Variants in NPAS3 observed in about 807,000 individuals in gnomAD.
NPAS3 encodes neuronal PAS domain-containing protein 3.
Under a neutral mutation model 73.1 loss-of-function variants are expected in NPAS3, and 14 were observed. That is an observed-to-expected ratio of 0.19 (90% confidence interval 0.13 to 0.30). NPAS3 has a LOEUF of 0.30. Ranked by LOEUF, NPAS3 falls within the 10% of genes least tolerant of loss-of-function variation. NPAS3 has a pLI of 1.00. For missense variants in NPAS3, 1,096 were observed against 1,250.0 expected (o/e 0.88, Z 1.86); for synonymous variants, 620 against 541.5 (o/e 1.14, Z -2.01).
At chr14:33,138,697 G>C (rs959182653) in intron 2 of NPAS3, among the ~76,000 whole-genome samples, 3 of 152,158 alleles carry the variant, frequency 2.0e-5, no homozygotes, top group Admixed American at 6.5e-5. Flanking sequence ...GAATGAGACA[G>C]GGTTCCAGTG....
intron 2 of NPAS3, among the ~76,000 whole-genome samples, chr14:33,120,770 GT>G (rs763821657): frequency 1.3e-5 from 2 of 152,060 alleles, no homozygotes; most frequent in East Asian, 1.9e-4. Flanking sequence ...AGAAGCATTG[GT>G]TTTTTTAAGG....
At chr14:33,666,529 C>T (rs1016449747) in intron 5 of NPAS3, among the ~76,000 whole-genome samples, 1 of 152,214 alleles carries the variant, frequency 6.6e-6, no homozygotes, top group Non-Finnish European at 1.5e-5. Flanking sequence ...GAGCCAGAAT[C>T]TCTGGGAGCC....
intron 9 of NPAS3, among the ~76,000 whole-genome samples, chr14:33,782,074 C>T (rs2062994588): frequency 6.6e-6 from 1 of 152,104 alleles, no homozygotes; most frequent in Non-Finnish European, 1.5e-5. Context: ...ACTCTAAAGC[C>T]TAGGGAGTTC....
At chr14:32,975,860 CGTGTGT>C (rs71118522) in intron 1 of NPAS3, among the ~76,000 whole-genome samples, 3,631 of 145,718 alleles carry the variant, frequency 0.025, 56 homozygotes, top group Non-Finnish European at 0.039. Context: ...TGGTGAGGGG[CGTGTGT>C]GTGTGTGTGT....
At chr14:33,563,490 C>G (rs775043303) in intron 5 of NPAS3, among the ~76,000 whole-genome samples, 1 of 123,444 alleles carries the variant, frequency 8.1e-6, no homozygotes, top group Non-Finnish European at 1.7e-5. Context: ...CTCAACAGTC[C>G]TCTTGACTTT....
Position 33,294,305 on chromosome 14 carries a change from G to A in NPAS3, c.386-72881G>A, listed in dbSNP as rs185096129. 9.3e-4 allele frequency among the ~76,000 whole-genome samples: 142 copies of A among 152,232 alleles called. 1 individual carries two copies. The highest frequency in any genetic ancestry group is 2.4e-4 in the Non-Finnish European group (16 of 68,012). Reference sequence around the variant, plus strand: ...ATGTTCTTTTTCTCCACTGCCTACAGACATATTTACCTTTTTCTGGAATGC... The same window carrying A: ...ATGTTCTTTTTCTCCACTGCCTACAAACATATTTACCTTTTTCTGGAATGC... On this transcript the variant is annotated intron_variant, in intron 3 of 11. Coordinates refer to ENST00000356141, the Ensembl canonical transcript of NPAS3.
At chr14:33,198,266 C>T (rs1225712164) in intron 2 of NPAS3, among the ~76,000 whole-genome samples, 3 of 150,972 alleles carry the variant, frequency 2.0e-5, no homozygotes, top group Admixed American at 6.7e-5. Context: ...CAGTTTGCCC[C>T]TGCTGGCTCA....
At chr14:33,217,255 G>A (rs148008048) in intron 3 of NPAS3, among the ~76,000 whole-genome samples, 4 of 152,170 alleles carry the variant, frequency 2.6e-5, no homozygotes, top group Admixed American at 6.6e-5. Context: ...TTCCTGACAC[G>A]TGGGATTATT....
chr14:33,615,406 C>G (rs1459101360), intron 5 of NPAS3, among the ~76,000 whole-genome samples: 1 of 151,986 alleles, frequency 6.6e-6, no homozygotes, highest in Non-Finnish European at 1.5e-5. Flanking sequence ...AAGGGCAGAA[C>G]CGGAGCAAGG....
chr14:33,331,876 C>G (rs2044000718), intron 3 of NPAS3, among the ~76,000 whole-genome samples: 1 of 152,152 alleles, frequency 6.6e-6, no homozygotes, highest in African/African-American at 2.4e-5. Context: ...CTTGTCTGTC[C>G]ATATGTGTGC....
intron 5 of NPAS3, among the ~76,000 whole-genome samples, chr14:33,566,379 C>T (rs932842278): frequency 2.0e-5 from 3 of 152,104 alleles, no homozygotes; most frequent in Non-Finnish European, 4.4e-5. Context: ...AGGTTCCTCC[C>T]GGCAGGATCC....
intron 9 of NPAS3, among the ~76,000 whole-genome samples, chr14:33,783,679 A>G (rs2063053136): frequency 6.6e-6 from 1 of 152,046 alleles, no homozygotes; most frequent in African/African-American, 2.4e-5. Flanking sequence ...GGAGTCAGAG[A>G]CCAGCAAGAG....
At chr14:33,170,894 G>C (rs1447095117) in intron 2 of NPAS3, among the ~76,000 whole-genome samples, 1 of 152,172 alleles carries the variant, frequency 6.6e-6, no homozygotes, top group Non-Finnish European at 1.5e-5. Context: ...TTCTGTTAAT[G>C]TTGATATTTT....
intron 4 of NPAS3, among the ~76,000 whole-genome samples, chr14:33,409,215 G>C (rs2047805233): frequency 6.6e-6 from 1 of 152,140 alleles, no homozygotes; most frequent in South Asian, 2.1e-4. Flanking sequence ...CAGCCCCACT[G>C]GGGGGTTCTG....
upstream of NPAS3, chr14:32,935,115 C>T (rs995501325): frequency 6.2e-5 from 29 of 464,088 alleles, no homozygotes; most frequent in Non-Finnish European, 8.4e-5. Context: ...TGCCAGGGCT[C>T]ACTTTGCCTG....
chr14:33,472,494 CAAAA>C (rs2050829623), intron 4 of NPAS3, among the ~76,000 whole-genome samples: 1 of 151,974 alleles, frequency 6.6e-6, no homozygotes, highest in African/African-American at 2.4e-5. Flanking sequence ...AAAAAACAAA[CAAAA>C]AGAATCACCT....
chr14:33,007,656 C>T lies in NPAS3; in HGVS notation c.51-48249C>T, dbSNP rs1176694829. On this transcript the variant is annotated intron_variant, in intron 1 of 11. Transcript: ENST00000356141. Reference sequence around the variant, plus strand: ...ACACTTAAAATATAAAGATACTGACCCTTTAACTTATACTTTGTATAAACA... The same window carrying T: ...ACACTTAAAATATAAAGATACTGACTCTTTAACTTATACTTTGTATAAACA... 4.6e-5 allele frequency among the ~76,000 whole-genome samples: 7 copies of T among 152,042 alleles called. No individual in the cohort carries two copies. The East Asian group carries it at 1.3e-3, about 29-fold the overall frequency.
intron 4 of NPAS3, among the ~76,000 whole-genome samples, chr14:33,424,290 A>C (rs1219825275): frequency 6.6e-6 from 1 of 152,028 alleles, no homozygotes; most frequent in Admixed American, 6.6e-5. Flanking sequence ...AAGAAGGCTA[A>C]AGTGGCTAAA....
chr14:33,603,317 C>G (rs1458330302), intron 5 of NPAS3, among the ~76,000 whole-genome samples: 1 of 152,136 alleles, frequency 6.6e-6, no homozygotes, highest in East Asian at 1.9e-4. Context: ...GAAAAGTGAA[C>G]TTAAAAAATG....
Sources: allele counts gnomAD v4.1 joint callset (sites outside exome capture counted in the v4.1 genomes callset), GRCh38; gene constraint gnomAD v4.1.1; transcripts MANE v1.5; gene names NCBI Gene and HGNC (gene_info 2026-07-23, HGNC 2026-07-21).